MAP3K15: variants seen among roughly 807,000 people sequenced by gnomAD.
MAP3K15 encodes the protein MAPK/ERK kinase kinase 15.
MAP3K15 carries 124 observed loss-of-function variants against 99.5 expected under a neutral mutation model. The observed-to-expected ratio is 1.25, with a 90% CI of 1.08 to 1.45. The LOEUF (loss-of-function observed/expected upper bound fraction) is 1.45, where lower values mean the gene tolerates loss of function less well. Ranked by LOEUF, MAP3K15 falls within the 40% of genes most tolerant of loss-of-function variation. The pLI is 0.00. For synonymous variants in MAP3K15, 494 were observed against 439.6 expected (o/e 1.12, Z -1.55); for missense variants, 1,242 against 1,079.7 (o/e 1.15, Z -2.11).
Position 19,371,078 on chromosome X carries a change from A to AT in MAP3K15, c.3295-15_3295-14insA, listed in dbSNP as rs200779059. ...AATTTTATTTACCTAAAAAAAAAAA[A>AT]AATAATAAAATAAACTAAAATCACA... On this transcript the variant is annotated splice_polypyrimidine_tract_variant and intron_variant, in intron 23 of 28. Transcript: ENST00000338883. The AT allele has an allele frequency of 5.8e-4, 619 of 1,068,103 alleles. 1 individual carries two copies. In the African/African-American group the frequency reaches 0.01, roughly 17 times the overall value. 88.0% of individuals were successfully genotyped at this position (1,068,103 alleles called of 1,213,427 possible).
chrX:19,505,186 G>C (rs982362822), intron 1 of MAP3K15, among the ~76,000 whole-genome samples: 1 of 106,290 alleles, frequency 9.4e-6, no homozygotes, highest in Non-Finnish European at 1.9e-5. Context: ...GATGGTCCAA[G>C]CATCTCATTT....
intron 3 of MAP3K15, among the ~76,000 whole-genome samples, chrX:19,483,580 G>A (rs888018947): frequency 9.1e-6 from 1 of 110,372 alleles, no homozygotes; most frequent in Non-Finnish European, 1.9e-5. Flanking sequence ...GTGTGTGTGT[G>A]TGTGTGTTAA....
chrX:19,451,918 G>A (rs973701099), intron 6 of MAP3K15, among the ~76,000 whole-genome samples: 1 of 107,920 alleles, frequency 9.3e-6, no homozygotes, highest in African/African-American at 3.4e-5. Context: ...CATTCGCCAG[G>A]TGTGGTGGTG....
intron 6 of MAP3K15, among the ~76,000 whole-genome samples, chrX:19,451,393 A>G (rs1440150349): frequency 1.9e-5 from 2 of 107,135 alleles, no homozygotes; most frequent in African/African-American, 6.7e-5. Flanking sequence ...AATATAGGAA[A>G]ACAGTTACAA....
intron 2 of MAP3K15, among the ~76,000 whole-genome samples, chrX:19,487,535 G>C (rs189085960): frequency 3.4e-4 from 38 of 111,828 alleles, no homozygotes; most frequent in Non-Finnish European, 6.6e-4. Context: ...ATTCACATTG[G>C]TTTATAGCCC....
chrX:19,442,436 G>C (rs1270463706), intron 6 of MAP3K15, among the ~76,000 whole-genome samples: 2 of 110,604 alleles, frequency 1.8e-5, no homozygotes, highest in Non-Finnish European at 3.8e-5. Flanking sequence ...ATTAACTGTA[G>C]CACCCAGACA....
At chrX:19,499,222 G>A (rs760392607) in intron 1 of MAP3K15, among the ~76,000 whole-genome samples, 1 of 111,818 alleles carries the variant, frequency 8.9e-6, no homozygotes, top group Non-Finnish European at 1.9e-5. Flanking sequence ...AAAACCATGA[G>A]GAGAAACCAC....
intron 25 of MAP3K15, 28 bp from the exon 26 acceptor site, chrX:19,362,878 AT>A: frequency 1.2e-6 from 1 of 843,646 alleles, no homozygotes; most frequent in Non-Finnish European, 1.7e-6. Context: ...AAAAAAAGCC[AT>A]TATCCAGAGA....
intron 18 of MAP3K15, among the ~76,000 whole-genome samples, chrX:19,381,149 C>T (rs1311016531): frequency 5.4e-5 from 6 of 112,026 alleles, no homozygotes; most frequent in Non-Finnish European, 1.1e-4. Flanking sequence ...TCAGGAAACA[C>T]TATGGCTGTG....
At chrX:19,480,555 C>T in intron 3 of MAP3K15, among the ~76,000 whole-genome samples, 1 of 107,090 alleles carries the variant, frequency 9.3e-6, no homozygotes, top group South Asian at 4.2e-4. Context: ...TGGCTTGTGC[C>T]TGTAATTCCA....
At chrX:19,481,030 A>G (rs1191587916) in intron 3 of MAP3K15, among the ~76,000 whole-genome samples, 2 of 102,531 alleles carry the variant, frequency 2.0e-5, no homozygotes, top group Non-Finnish European at 3.9e-5. Flanking sequence ...TGGAAGGAGT[A>G]CCTGAACCAG....
chrX:19,496,767 C>G (rs1372133979), intron 1 of MAP3K15: 1 of 111,737 alleles, frequency 8.9e-6, no homozygotes, highest in Non-Finnish European at 1.9e-5. Context: ...ATAATACACT[C>G]TTTCCTTAAC....
chrX:19,470,149 G>C (rs1158929369), intron 3 of MAP3K15, among the ~76,000 whole-genome samples: 2 of 111,712 alleles, frequency 1.8e-5, no homozygotes, highest in Non-Finnish European at 3.8e-5. Flanking sequence ...TTGGAACCAA[G>C]CCAAATGTCC....
intron 8 of MAP3K15, 111 bp from the exon 9 acceptor site, chrX:19,425,801 G>T: frequency 1.4e-6 from 1 of 714,613 alleles, no homozygotes; most frequent in Non-Finnish European, 2.0e-6. Context: ...TATAGGAAAA[G>T]TAACTGATTG....
At chrX:19,482,627 T>C (rs1225440295) in intron 3 of MAP3K15, among the ~76,000 whole-genome samples, 1 of 111,647 alleles carries the variant, frequency 9.0e-6, no homozygotes, top group Non-Finnish European at 1.9e-5. Flanking sequence ...AATAAGCATT[T>C]TGGGGTCAGG....
intron 1 of MAP3K15, among the ~76,000 whole-genome samples, chrX:19,490,180 C>CACACACACAT (rs1478553894): frequency 2.5e-3 from 235 of 95,097 alleles, no homozygotes; most frequent in Non-Finnish European, 4.2e-3. Flanking sequence ...CACACACACA[C>CACACACACAT]ACACATACAT....
chrX:19,444,998 C>T (rs931218544), intron 6 of MAP3K15, among the ~76,000 whole-genome samples: 1 of 110,678 alleles, frequency 9.0e-6, no homozygotes, highest in African/African-American at 3.3e-5. Context: ...TCCCCAGCTT[C>T]CTCGTCCACT....
At chrX:19,444,494 G>A (rs991584792) in intron 6 of MAP3K15, among the ~76,000 whole-genome samples, 46 of 111,496 alleles carry the variant, frequency 4.1e-4, no homozygotes, top group Non-Finnish European at 7.7e-4. Flanking sequence ...ATATTCGTTG[G>A]CCGCTCAATC....
At chrX:19,393,554 C>T (rs866867197) in intron 16 of MAP3K15, among the ~76,000 whole-genome samples, 2 of 109,655 alleles carry the variant, frequency 1.8e-5, no homozygotes, top group Non-Finnish European at 3.8e-5. Context: ...ATTGCTTGAA[C>T]CCAGGAGGCA....
Sources: gnomAD v4.1 joint callset for allele counts (sites outside exome capture counted in the v4.1 genomes callset) on GRCh38, gnomAD v4.1.1 for gene constraint, MANE v1.5 for transcripts, NCBI Gene and HGNC (gene_info 2026-07-23, HGNC 2026-07-21) for gene names.